XKR9: variants seen among roughly 807,000 people sequenced by gnomAD.
XKR9 encodes the protein XK-related protein 9.
A neutral mutation model predicts 32.0 loss-of-function variants in XKR9; 32 were observed. The observed-to-expected ratio is 1.00, with a 90% CI of 0.76 to 1.34. XKR9 has a LOEUF of 1.34. Ranked by LOEUF, XKR9 falls within the 40% of genes most tolerant of loss-of-function variation. XKR9 has a pLI of 0.00. For synonymous variants in XKR9, 168 were observed against 143.4 expected, an observed-to-expected ratio of 1.17 and a Z score of -1.22; for missense variants, 546 against 429.7, an observed-to-expected ratio of 1.27 and a Z score of -2.39.
chr8:70,906,625 A>G, the XKR9 span, among the ~76,000 whole-genome samples: 6 of 152,234 alleles, frequency 3.9e-5, 1 homozygote, highest in Admixed American at 2.0e-4. Flanking sequence ...GTAAACACTT[A>G]TCTACATAAA....
chr8:70,675,842 C>A (rs1313434228), intron 2 of XKR9, among the ~76,000 whole-genome samples: 2 of 152,212 alleles, frequency 1.3e-5, no homozygotes, highest in Non-Finnish European at 2.9e-5. Flanking sequence ...AAGCTCCAAA[C>A]TTTCCCTCAT....
At chr8:71,062,441 A>T in the XKR9 span, among the ~76,000 whole-genome samples, 1 of 152,108 alleles carries the variant, frequency 6.6e-6, no homozygotes, top group Admixed American at 6.5e-5. Flanking sequence ...AGTCTCTTTT[A>T]TAGGGCTCCA....
chr8:70,946,199 T>A, the XKR9 span, among the ~76,000 whole-genome samples: 42 of 152,224 alleles, frequency 2.8e-4, 1 homozygote, highest in Admixed American at 1.8e-3. Flanking sequence ...GCCTAAGAGA[T>A]CCTCTAACTC....
chr8:71,062,380 T>C, the XKR9 span, among the ~76,000 whole-genome samples: 4 of 152,304 alleles, frequency 2.6e-5, no homozygotes, highest in East Asian at 7.7e-4. Context: ...ACTTCCTGCA[T>C]GGCTTTTTGT....
the XKR9 span, among the ~76,000 whole-genome samples, chr8:70,956,801 C>G: frequency 6.6e-6 from 1 of 152,112 alleles, no homozygotes; most frequent in Non-Finnish European, 1.5e-5. Flanking sequence ...GAGTGGGTGT[C>G]GGGAGTGGGG....
chr8:70,928,669 C>T, the XKR9 span, among the ~76,000 whole-genome samples: 2 of 152,014 alleles, frequency 1.3e-5, no homozygotes, highest in Non-Finnish European at 2.9e-5. Context: ...GCACCATTAG[C>T]CAGGGACATA....
intron 3 of XKR9, among the ~76,000 whole-genome samples, chr8:70,699,961 C>G (rs1051092631): frequency 6.6e-6 from 1 of 152,192 alleles, no homozygotes; most frequent in Admixed American, 6.5e-5. Context: ...ACCCTTTCTT[C>G]CAGTTGATCG....
chr8:70,733,836 A>G lies in XKR9; in HGVS notation c.534A>G (p.Ser178=), dbSNP rs1192998917. The change falls in exon 5 of 5, where the codon TCA becomes TCG. Residue 178 remains serine, a synonymous_variant. Coordinates refer to ENST00000408926, the MANE Select transcript of XKR9 (RefSeq NM_001011720.2). ...TCTCTTGCTGTGCTATTTCTTGGTC[A>G]ACTGTTGATTATCAAGTAGCTTTAA... ...IMVSCCAISW[S]TVDYQVALRK... is the part of the protein sequence containing the mutation. 2 of 1,596,076 alleles carry G rather than the reference A, an allele frequency of 1.3e-6. No individual in the cohort carries two copies. Among genetic ancestry groups the G allele is most frequent in the Non-Finnish European group, 1.7e-6 (2 of 1,174,844 alleles).
the XKR9 span, among the ~76,000 whole-genome samples, chr8:70,802,429 T>C: frequency 3.3e-5 from 5 of 152,234 alleles, no homozygotes; most frequent in Non-Finnish European, 7.3e-5. Context: ...GTTTCTTCAT[T>C]CAACTTGCCA....
chr8:70,770,647 A>G (rs1191089541), intron 2 of XKR9, among the ~76,000 whole-genome samples: 1 of 152,192 alleles, frequency 6.6e-6, no homozygotes, highest in East Asian at 1.9e-4. Flanking sequence ...ATCTGGCTAC[A>G]GGAGCTTTGC....
At chr8:70,759,091 CG>C (rs1182636791) in intron 2 of XKR9, among the ~76,000 whole-genome samples, 1 of 152,118 alleles carries the variant, frequency 6.6e-6, no homozygotes, top group Non-Finnish European at 1.5e-5. Context: ...GGTTAGTGCC[CG>C]GACTATACAG....
chr8:70,761,664 A>AT (rs527908490), intron 2 of XKR9, among the ~76,000 whole-genome samples: 111 of 148,862 alleles, frequency 7.5e-4, no homozygotes, highest in South Asian at 1.5e-3. Flanking sequence ...AACTCTGTTG[A>AT]TTTTTTTTTT....
the XKR9 span, among the ~76,000 whole-genome samples, chr8:70,848,450 A>G: frequency 2.6e-5 from 4 of 152,012 alleles, no homozygotes; most frequent in African/African-American, 7.2e-5. Context: ...CAAAGAAATT[A>G]TGCAAGAGAA....
At chr8:70,896,706 G>A in the XKR9 span, among the ~76,000 whole-genome samples, 3 of 151,326 alleles carry the variant, frequency 2.0e-5, no homozygotes, top group Admixed American at 6.6e-5. Flanking sequence ...TTTCTGCTTG[G>A]TTTGGGTTTA....
the XKR9 span, among the ~76,000 whole-genome samples, chr8:70,905,635 G>C: frequency 6.6e-6 from 1 of 152,136 alleles, no homozygotes; most frequent in Non-Finnish European, 1.5e-5. Flanking sequence ...ACTCGTCAAA[G>C]TCATTCTCCC....
chr8:70,780,506 G>A (rs1014603116), intron 2 of XKR9, among the ~76,000 whole-genome samples: 4 of 151,964 alleles, frequency 2.6e-5, no homozygotes, highest in African/African-American at 9.7e-5. Flanking sequence ...GAAACATAAT[G>A]TTCAGTCTTC....
At chr8:70,733,747 A>G in intron 4 of XKR9, 49 bp from the exon 5 acceptor site, 1 of 1,414,434 alleles carries the variant, frequency 7.1e-7, no homozygotes, top group South Asian at 1.6e-5. Context: ...GTAATCTAAT[A>G]TTTCTATTAT....
chr8:70,679,330 C>A (rs1458980180), intron 2 of XKR9, among the ~76,000 whole-genome samples: 1 of 152,198 alleles, frequency 6.6e-6, no homozygotes, highest in East Asian at 1.9e-4. Flanking sequence ...TGGGCCCTAA[C>A]TGTGTGCCAA....
At chr8:71,002,362 G>A in the XKR9 span, among the ~76,000 whole-genome samples, 6 of 151,332 alleles carry the variant, frequency 4.0e-5, no homozygotes, top group Non-Finnish European at 7.4e-5. Context: ...AGCTAAAGCC[G>A]TGGTAGGTTT....
Sources: gnomAD v4.1 joint callset for allele counts (sites outside exome capture counted in the v4.1 genomes callset) on GRCh38, gnomAD v4.1.1 for gene constraint, MANE v1.5 for transcripts, NCBI Gene and HGNC (gene_info 2026-07-23, HGNC 2026-07-21) for gene names.